Variants in ZNF786 observed in about 807,000 individuals in gnomAD.
ZNF786 encodes zinc finger protein 786.
ZNF786 carries 56 observed loss-of-function variants against 63.1 expected under a neutral mutation model. That is an observed-to-expected ratio of 0.89 (90% CI 0.72 to 1.11). ZNF786 has a LOEUF of 1.11. Ranked by LOEUF, ZNF786 falls within the 50% of genes least tolerant of loss-of-function variation. The pLI, the probability that ZNF786 is intolerant of heterozygous loss-of-function variation, is 0.00. For synonymous variants in ZNF786, 485 were observed against 406.9 expected, an observed-to-expected ratio of 1.19 and a Z score of -2.31; for missense variants, 1,213 against 1,041.8, an observed-to-expected ratio of 1.16 and a Z score of -2.26.
Position 149,071,309 on chromosome 7 carries a change from A to G in ZNF786, c.1463T>C (p.Leu488Pro). The change falls in exon 4 of 4, where the codon CTG becomes CCG. Residue 488 changes from leucine to proline, a missense_variant. Coordinates refer to ENST00000491431, the MANE Select transcript of ZNF786 (RefSeq NM_152411.4). ...EKPFQCPECG[L>P]SFRLESMLRA... Reference sequence around the variant, plus strand: ...CAGCATGCTCTCCAGGCGGAAGCTCAGCCCACACTCTGGGCACTGAAAGGG... The same window carrying G: ...CAGCATGCTCTCCAGGCGGAAGCTCGGCCCACACTCTGGGCACTGAAAGGG... 1 of 1,611,236 alleles carries G rather than the reference A, an allele frequency of 6.2e-7. No individual in the cohort carries two copies. The highest frequency in any genetic ancestry group is 8.5e-7 in the Non-Finnish European group (1 of 1,179,268).
chr7:149,070,157 G>A lies in ZNF786; in HGVS notation c.*266C>T. On this transcript the variant is annotated 3_prime_UTR_variant, in exon 4 of 4. Transcript: ENST00000491431. ...TTATAATGCTGTCTTTTCCAATATA[G>A]CTGGGATCACGCCACTGCACTCCAG... 1 of 316,244 alleles carries A rather than the reference G, an allele frequency of 3.2e-6. No individual in the cohort carries two copies. Among genetic ancestry groups the A allele is most frequent in the Middle Eastern group, 1.0e-3 (1 of 990 alleles). The allele number at this position is 316,244 out of a possible 1,614,324, so 19.6% of individuals were successfully genotyped here. A position where few individuals can be genotyped will look rare whatever the true frequency, so the allele number is the denominator to read the frequency against.
intron 1 of ZNF786, chr7:149,081,079 G>A (rs984049664): frequency 2.2e-6 from 1 of 457,812 alleles, no homozygotes; most frequent in Non-Finnish European, 4.4e-6. Flanking sequence ...TGGTAAAGTC[G>A]CACTATATTC....
At position 149,071,583 on chromosome 7, in the gene ZNF786, A is replaced by G. The variant is rs758254856; in HGVS notation, c.1189T>C (p.Phe397Leu). Residue 397 changes from phenylalanine to leucine, a missense_variant, in exon 4 of 4, where the codon TTC becomes CTC. Transcript: ENST00000491431. ...PCRAHTGEKP[F>L]QCAHCTKRFR... ...CGCTTGGTGCAATGCGCACACTGGA[A>G]GGGCTTTTCTCCAGTATGCGCCCTG... The G allele has an allele frequency of 1.1e-5, 17 of 1,610,580 alleles. No individual in the cohort carries two copies. The highest frequency in any genetic ancestry group is 9.3e-6 in the Non-Finnish European group (11 of 1,179,092).
chr7:149,079,043 A>C (rs1825610414), intron 2 of ZNF786, among the ~76,000 whole-genome samples: 1 of 152,204 alleles, frequency 6.6e-6, no homozygotes, highest in Non-Finnish European at 1.5e-5. Context: ...AGATTGGAGG[A>C]AGCCACTTTA....
Position 149,080,655 on chromosome 7 carries a change from C to T in ZNF786, c.81G>A (p.Glu27=), listed in dbSNP as rs1369679712. The T allele has an allele frequency of 4.3e-6, 7 of 1,611,838 alleles. No individual in the cohort carries two copies. The highest frequency in any genetic ancestry group is 1.7e-4 in the Middle Eastern group (1 of 6,048). ...GCTTGTAAAGTTCCTTCTGCCATGC[C>T]TCTAGATCCTGCCATTCTTGCTCGG... ...YFSEQEWQDL[E]AWQKELYKHV... The change falls in exon 2 of 4, where the codon GAG becomes GAA. Residue 27 remains glutamate, a synonymous_variant. Coordinates refer to ENST00000491431, the MANE Select transcript of ZNF786 (RefSeq NM_152411.4).
intron 2 of ZNF786, among the ~76,000 whole-genome samples, chr7:149,075,665 T>TTTG (rs1825534324): frequency 8.5e-6 from 1 of 117,218 alleles, no homozygotes; most frequent in Non-Finnish European, 1.8e-5. Flanking sequence ...GTTTTTTTTT[T>TTTG]TTTTTTTTTT....
At chr7:149,073,291 C>A (rs1486491817) in intron 3 of ZNF786, among the ~76,000 whole-genome samples, 3 of 152,200 alleles carry the variant, frequency 2.0e-5, no homozygotes, top group African/African-American at 4.8e-5. Context: ...CTCAGACTCT[C>A]TCCTCATGAC....
chr7:149,076,240 G>T (rs1008628255), intron 2 of ZNF786, among the ~76,000 whole-genome samples: 1 of 151,366 alleles, frequency 6.6e-6, no homozygotes. Context: ...TCAGTCTCCC[G>T]AGTAGCTGGG....
At chr7:149,088,806 A>G (rs1364924228) in intron 1 of ZNF786, among the ~76,000 whole-genome samples, 1 of 152,202 alleles carries the variant, frequency 6.6e-6, no homozygotes, top group Non-Finnish European at 1.5e-5. Flanking sequence ...GTAAAGGCAA[A>G]CATTATAAAT....
At chr7:149,078,836 A>G (rs1033878051) in intron 2 of ZNF786, among the ~76,000 whole-genome samples, 1 of 152,098 alleles carries the variant, frequency 6.6e-6, no homozygotes, top group Non-Finnish European at 1.5e-5. Context: ...AATGAGTCAG[A>G]TGAAAATGAT....
rs1585460852 is a variant in ZNF786, at chr7:149,072,107, T to C, written c.665A>G (p.Asn222Ser). Residue 222 changes from asparagine (N) to serine (S), a missense_variant, in exon 4 of 4, where the codon AAC becomes AGC. By Grantham distance (46) the Asn-to-Ser change is conservative (BLOSUM62 1). Transcript: ENST00000491431. ...CGGCATCTGCGTCTCCGCCCTCTTGTTGAATTTCTCCCAGGCCCTACGTGT... is the reference window on the plus strand; with the variant it reads ...CGGCATCTGCGTCTCCGCCCTCTTGCTGAATTTCTCCCAGGCCCTACGTGT... ...DRTRRAWEKFNKRAETQMPWS... is the reference protein window; with the variant it reads ...DRTRRAWEKFSKRAETQMPWS... 6.2e-7 allele frequency: 1 copy of C among 1,613,282 alleles called. No homozygotes were observed. The highest frequency in any genetic ancestry group is 1.1e-5 in the South Asian group (1 of 90,990).
chr7:149,088,447 C>T (rs1185034383), intron 1 of ZNF786, among the ~76,000 whole-genome samples: 1 of 152,186 alleles, frequency 6.6e-6, no homozygotes, highest in African/African-American at 2.4e-5. Context: ...CCAATAAGCT[C>T]TGTGGTTTTT....
rs1825429324 is a variant in ZNF786, at chr7:149,071,903, T to C, written c.869A>G (p.Gln290Arg). 2 of 1,604,952 alleles carry C rather than the reference T, an allele frequency of 1.2e-6. No individual in the cohort carries two copies. Among genetic ancestry groups the C allele is most frequent in the Non-Finnish European group, 1.7e-6 (2 of 1,176,718 alleles). The change falls in exon 4 of 4, where the codon CAG (glutamine) becomes CGG (arginine). Residue 290 changes from glutamine to arginine, a missense_variant. Physicochemically the swap from Gln to Arg is conservative, Grantham distance 43 (BLOSUM62 1). Coordinates refer to ENST00000491431, the MANE Select transcript of ZNF786 (RefSeq NM_152411.4). ...ELTHPSHRLPQQGEKPAQCTP... is the reference protein window; with the variant it reads ...ELTHPSHRLPRQGEKPAQCTP... ...GCACTGGGCAGGCTTCTCCCCCTGC[T>C]GCGGGAGGCGGTGGCTGGGATGGGT...
At chr7:149,086,615 G>A (rs1289082608) in intron 1 of ZNF786, among the ~76,000 whole-genome samples, 3 of 133,526 alleles carry the variant, frequency 2.2e-5, no homozygotes, top group Non-Finnish European at 4.8e-5. Flanking sequence ...GTGACAGAGC[G>A]ACACTCTGTC....
intron 1 of ZNF786, among the ~76,000 whole-genome samples, chr7:149,082,183 T>G (rs918900560): frequency 2.0e-5 from 3 of 152,166 alleles, no homozygotes; most frequent in African/African-American, 7.2e-5. Context: ...TCACAAGATC[T>G]GGTTGTTTAA....
chr7:149,076,697 CAA>C (rs1491535647), intron 2 of ZNF786, among the ~76,000 whole-genome samples: 1 of 133,610 alleles, frequency 7.5e-6, no homozygotes, highest in African/African-American at 2.8e-5. Context: ...CCAGCCTGGG[CAA>C]GAGAGAGAGA....
Position 149,072,321 on chromosome 7 carries a change from G to T in ZNF786, c.451C>A (p.Pro151Thr). 2 of 1,613,828 alleles carry T rather than the reference G, an allele frequency of 1.2e-6. No individual in the cohort carries two copies. The highest frequency in any genetic ancestry group is 2.7e-5 in the African/African-American group (2 of 75,050). The change falls in exon 4 of 4, where the codon CCA becomes ACA. Residue 151 changes from proline (P) to threonine (T), a missense_variant. Physicochemically the swap from Pro to Thr is conservative, Grantham distance 38. Coordinates refer to ENST00000491431, the MANE Select transcript of ZNF786 (RefSeq NM_152411.4). ...GATTCACTGGGGCCGCAGGCTAGTG[G>T]TGGAGGAGCCCTGGCGTCGTGTCTC... is the stretch of plus-strand genomic sequence containing the variant. The part of the protein sequence containing the change: ...PQRHDARAPP[P>T]LACGPSESTL...
At chr7:149,081,340 G>A (rs1459170170) in intron 1 of ZNF786, 4 of 348,806 alleles carry the variant, frequency 1.1e-5, no homozygotes, top group Non-Finnish European at 1.7e-5. Flanking sequence ...AAAGGCTGAG[G>A]CAGGAGAATT....
intron 2 of ZNF786, among the ~76,000 whole-genome samples, chr7:149,077,624 T>C (rs951183652): frequency 6.6e-6 from 1 of 151,396 alleles, no homozygotes; most frequent in African/African-American, 2.4e-5. Flanking sequence ...GGAGACTCCT[T>C]CTCAAAAATA....
Sources: allele counts gnomAD v4.1 joint callset (sites outside exome capture counted in the v4.1 genomes callset), GRCh38; gene constraint gnomAD v4.1.1; transcripts MANE v1.5; gene names NCBI Gene and HGNC (gene_info 2026-07-23, HGNC 2026-07-21).